The following TBC1D19 variants were observed in gnomAD, a reference collection of about 807,000 sequenced individuals.
The protein encoded by TBC1D19 is TBC1 domain family, member 19.
TBC1D19 carries 60 observed loss-of-function variants against 89.0 expected under a neutral mutation model. The ratio of observed to expected loss-of-function variants is 0.67; its 90% CI spans 0.55 to 0.84. The LOEUF is 0.84. Ranked by LOEUF, TBC1D19 falls within the 40% of genes least tolerant of loss-of-function variation. The pLI, the probability that TBC1D19 is intolerant of heterozygous loss-of-function variation, is 0.00. For missense variants in TBC1D19, 500 were observed against 610.8 expected (o/e 0.82, Z 1.91); for synonymous variants, 189 against 199.7 (o/e 0.95, Z 0.45).
At chr4:26,693,619 C>T (rs1439055982) in intron 13 of TBC1D19, among the ~76,000 whole-genome samples, 1 of 151,608 alleles carries the variant, frequency 6.6e-6, no homozygotes, top group Non-Finnish European at 1.5e-5. Context: ...CACTTTTGCC[C>T]AGGAGGTCAA....
chr4:26,708,093 T>C (rs1715876261), intron 13 of TBC1D19, among the ~76,000 whole-genome samples: 1 of 152,118 alleles, frequency 6.6e-6, no homozygotes, highest in Admixed American at 6.6e-5. Context: ...AGATCTTTCT[T>C]CACTCAGAGT....
chr4:26,646,870 G>T (rs1744005076), intron 7 of TBC1D19, among the ~76,000 whole-genome samples: 1 of 151,954 alleles, frequency 6.6e-6, no homozygotes. Context: ...AACCAACACG[G>T]GCACATGTAT....
intron 1 of TBC1D19, among the ~76,000 whole-genome samples, chr4:26,612,717 A>G (rs898834699): frequency 4.6e-5 from 7 of 152,164 alleles, no homozygotes; most frequent in African/African-American, 1.7e-4. Context: ...ACAAATATAC[A>G]CAATGCATTT....
At chr4:26,829,244 A>G in the TBC1D19 span, among the ~76,000 whole-genome samples, 1 of 152,242 alleles carries the variant, frequency 6.6e-6, no homozygotes, top group Admixed American at 6.5e-5. Flanking sequence ...AGTTGTTTAA[A>G]TAATACACAG....
intron 1 of TBC1D19, among the ~76,000 whole-genome samples, chr4:26,606,713 C>A (rs1370878939): frequency 6.6e-6 from 1 of 152,138 alleles, no homozygotes; most frequent in Non-Finnish European, 1.5e-5. Context: ...ATTCTGTAAT[C>A]ACTTCTAACC....
chr4:26,707,898 C>T (rs1462858130), intron 13 of TBC1D19, among the ~76,000 whole-genome samples: 2 of 152,038 alleles, frequency 1.3e-5, no homozygotes, highest in Admixed American at 6.6e-5. Context: ...AGTGCGTACA[C>T]AAACCCAGAA....
chr4:26,736,188 T>A (rs1440989032), intron 16 of TBC1D19, among the ~76,000 whole-genome samples: 1 of 94,492 alleles, frequency 1.1e-5, no homozygotes, highest in Admixed American at 1.4e-4. Context: ...ATGTGGCACA[T>A]ATACACCATG....
chr4:26,820,283 A>C, the TBC1D19 span, among the ~76,000 whole-genome samples: 2 of 152,152 alleles, frequency 1.3e-5, no homozygotes, highest in Non-Finnish European at 2.9e-5. Flanking sequence ...TGCAGTCTGA[A>C]ACTTTGTACT....
intron 7 of TBC1D19, among the ~76,000 whole-genome samples, chr4:26,652,652 T>C (rs1195608701): frequency 6.6e-6 from 1 of 152,190 alleles, no homozygotes; most frequent in Non-Finnish European, 1.5e-5. Context: ...AGTTTATTTG[T>C]GTAGAGGTGT....
intron 4 of TBC1D19, among the ~76,000 whole-genome samples, chr4:26,631,650 A>G (rs998393385): frequency 1.3e-5 from 2 of 152,086 alleles, no homozygotes; most frequent in African/African-American, 4.8e-5. Flanking sequence ...TGTGTAGCTC[A>G]GAAAAAAATG....
intron 6 of TBC1D19, 99 bp downstream of exon 6, chr4:26,638,933 T>C: frequency 2.0e-6 from 2 of 1,006,604 alleles, no homozygotes; most frequent in Non-Finnish European, 1.5e-6. Flanking sequence ...TTGGGAAGAT[T>C]GCAATTTTCC....
At chr4:26,626,639 A>G (rs67655603) in intron 4 of TBC1D19, among the ~76,000 whole-genome samples, 57,886 of 151,680 alleles carry the variant, frequency 0.38, 12,083 homozygotes, top group Non-Finnish European at 0.47. Flanking sequence ...CAAACTCAAG[A>G]TGTACTATGT....
chr4:26,751,319 C>A (rs1718945677), intron 19 of TBC1D19, among the ~76,000 whole-genome samples: 1 of 152,140 alleles, frequency 6.6e-6, no homozygotes, highest in Non-Finnish European at 1.5e-5. Context: ...AAACTCTTTC[C>A]TGCTGGAGCA....
At chr4:26,727,696 T>G (rs971026420) in intron 15 of TBC1D19, among the ~76,000 whole-genome samples, 1 of 152,384 alleles carries the variant, frequency 6.6e-6, no homozygotes. Context: ...TTCAAATTCA[T>G]GTCTATATGA....
In TBC1D19 at chr4:26,748,319, C is replaced by T. The variant is rs543570277; in HGVS notation, c.1320-92C>T. On this transcript the variant is annotated intron_variant, in intron 18 of 20. Transcript: ENST00000264866. ...AAATGCCCAGGTGATTTCTAAGACTCTTGAATAGAATTGGTTGGGTTCTTC... is the reference window on the plus strand; with the variant it reads ...AAATGCCCAGGTGATTTCTAAGACTTTTGAATAGAATTGGTTGGGTTCTTC... The T allele has an allele frequency of 8.0e-5, 69 of 859,006 alleles. No individual in the cohort carries two copies. In the African/African-American group the frequency reaches 1.0e-3, roughly 13 times the overall value. The allele number at this position is 859,006 out of a possible 1,614,324, so 53.2% of individuals were successfully genotyped here. A position where few individuals can be genotyped will look rare whatever the true frequency, so the allele number is the denominator to read the frequency against.
chr4:26,673,446 T>TATATATATATATACACACACACAC (rs373807642), intron 10 of TBC1D19, among the ~76,000 whole-genome samples: 8 of 90,884 alleles, frequency 8.8e-5, no homozygotes, highest in African/African-American at 3.0e-4. Flanking sequence ...TATATATATA[T>TATATATATATATACACACACACAC]ACACACACAC....
intron 1 of TBC1D19, among the ~76,000 whole-genome samples, chr4:26,609,669 A>C (rs1293014993): frequency 6.6e-6 from 1 of 152,270 alleles, no homozygotes; most frequent in East Asian, 1.9e-4. Flanking sequence ...TTGGGTCTAC[A>C]TTGTGAAGGA....
chr4:26,740,123 G>A, intron 17 of TBC1D19, 150 bp downstream of exon 17: 2 of 438,588 alleles, frequency 4.6e-6, no homozygotes, highest in Non-Finnish European at 8.1e-6. Context: ...AAATGACAGA[G>A]AAGATGAAAT....
At chr4:26,742,148 A>G (rs1718407667) in intron 17 of TBC1D19, among the ~76,000 whole-genome samples, 1 of 152,176 alleles carries the variant, frequency 6.6e-6, no homozygotes, top group African/African-American at 2.4e-5. Flanking sequence ...CATTCAGATA[A>G]AAACTAATTT....
Sources: gnomAD v4.1 joint callset for allele counts (sites outside exome capture counted in the v4.1 genomes callset) on GRCh38, gnomAD v4.1.1 for gene constraint, MANE v1.5 for transcripts, NCBI Gene and HGNC (gene_info 2026-07-23, HGNC 2026-07-21) for gene names.